FRMD5: variants seen among roughly 807,000 people sequenced by gnomAD.
FRMD5 encodes the protein FERM domain containing 5.
FRMD5 carries 20 observed loss-of-function variants against 69.0 expected under a neutral mutation model. The observed-to-expected ratio is 0.29, with a 90% CI of 0.20 to 0.42. The LOEUF is 0.42. Among genes scored for constraint, FRMD5 ranks in the 10% least tolerant of loss-of-function variants. The probability of loss-of-function intolerance (pLI) is 1.00; values close to 1 mark genes in which losing one functional copy is unlikely to be tolerated. For synonymous variants in FRMD5, 271 were observed against 260.1 expected (o/e 1.04, Z -0.40); for missense variants, 595 against 708.6 (o/e 0.84, Z 1.82).
At chr15:44,020,677 A>C (rs1026860404) in intron 1 of FRMD5, among the ~76,000 whole-genome samples, 6 of 152,230 alleles carry the variant, frequency 3.9e-5, no homozygotes, top group Admixed American at 1.3e-4. Context: ...AATATTTCTC[A>C]ATCTTTTGTG....
At chr15:44,188,280 A>G (rs748710202) in intron 1 of FRMD5, among the ~76,000 whole-genome samples, 1 of 152,238 alleles carries the variant, frequency 6.6e-6, no homozygotes, top group African/African-American at 2.4e-5. Context: ...ATAGGTATGC[A>G]TATCTGTAGA....
chr15:44,092,186 T>C (rs1456733585), intron 1 of FRMD5, among the ~76,000 whole-genome samples: 6 of 152,204 alleles, frequency 3.9e-5, no homozygotes, highest in African/African-American at 1.4e-4. Flanking sequence ...AAAGGGTCTC[T>C]GCCTCTCCTG....
chr15:44,119,314 C>T (rs2076914031), intron 1 of FRMD5, among the ~76,000 whole-genome samples: 1 of 152,100 alleles, frequency 6.6e-6, no homozygotes, highest in Non-Finnish European at 1.5e-5. Flanking sequence ...AAGAAAACAG[C>T]ACCTTTCCTC....
rs564851346 is a variant in FRMD5, at chr15:43,982,800, A to C, written c.103-58491T>G. Among the ~76,000 whole-genome samples, 26 of 152,380 alleles carry C rather than the reference A, an allele frequency of 1.7e-4. No homozygotes were observed. In the East Asian group the frequency reaches 4.2e-3, roughly 25 times the overall value. On this transcript the variant is annotated intron_variant, in intron 1 of 13. Coordinates refer to ENST00000417257, the MANE Select transcript of FRMD5 (RefSeq NM_032892.5). ...AATAGACCTCTGATATGGTTTCCAA[A>C]GAACAGAAGGTATCTTTTTTAAATC...
At chr15:44,154,670 G>C (rs2077499612) in intron 1 of FRMD5, among the ~76,000 whole-genome samples, 1 of 152,104 alleles carries the variant, frequency 6.6e-6, no homozygotes, top group African/African-American at 2.4e-5. Flanking sequence ...TATTATATCT[G>C]CACAGTCACA....
At chr15:43,979,331 G>T (rs1225785501) in intron 1 of FRMD5, among the ~76,000 whole-genome samples, 1 of 141,684 alleles carries the variant, frequency 7.1e-6, no homozygotes, top group Admixed American at 6.9e-5. Context: ...GTGAAACTCT[G>T]TCTCAAAAAA....
chr15:43,884,553 T>G (rs1265205892), intron 12 of FRMD5, among the ~76,000 whole-genome samples, 174 bp downstream of exon 12: 1 of 152,136 alleles, frequency 6.6e-6, no homozygotes, highest in Admixed American at 6.5e-5. Context: ...CCAGCTCTCT[T>G]ATTAAGGGTC....
chr15:43,904,206 CTG>C (rs947811242), intron 6 of FRMD5, among the ~76,000 whole-genome samples: 2 of 152,094 alleles, frequency 1.3e-5, no homozygotes, highest in African/African-American at 4.8e-5. Context: ...TCTGGGGGGC[CTG>C]TGGTCGGGGA....
intron 1 of FRMD5, among the ~76,000 whole-genome samples, chr15:44,040,735 C>T (rs935156248): frequency 1.3e-5 from 2 of 152,032 alleles, no homozygotes; most frequent in African/African-American, 4.8e-5. Flanking sequence ...AGACTATCCA[C>T]ACTATGAAGA....
At chr15:44,183,117 T>C (rs1241260162) in intron 1 of FRMD5, among the ~76,000 whole-genome samples, 1 of 152,060 alleles carries the variant, frequency 6.6e-6, no homozygotes, top group Admixed American at 6.6e-5. Flanking sequence ...CATTTCAATA[T>C]GGTAAGTGCT....
chr15:44,106,626 C>A (rs1474539111), intron 1 of FRMD5, among the ~76,000 whole-genome samples: 2 of 152,168 alleles, frequency 1.3e-5, no homozygotes, highest in African/African-American at 4.8e-5. Flanking sequence ...CCCCTATCAC[C>A]AGTAACATAA....
intron 1 of FRMD5, among the ~76,000 whole-genome samples, chr15:44,058,093 TAACCAAATCTCAC>T (rs1411209427): frequency 6.6e-6 from 1 of 152,182 alleles, no homozygotes; most frequent in East Asian, 1.9e-4. Context: ...TTCTGCAACT[TAACCAAATCTCAC>T]AAATCCAATA....
chr15:43,999,964 A>G lies in FRMD5; in HGVS notation c.103-75655T>C, dbSNP rs1353416881. Among the ~76,000 whole-genome samples, 49 of 77,176 alleles carry G rather than the reference A, an allele frequency of 6.3e-4. 1 individual carries two copies. Among genetic ancestry groups the G allele is most frequent in the African/African-American group, 3.3e-3 (45 of 13,476 alleles). 50.6% of individuals were successfully genotyped at this position (77,176 alleles called of 152,430 possible). A position where few individuals can be genotyped will look rare whatever the true frequency, so the allele number is the denominator to read the frequency against. On this transcript the variant is annotated intron_variant, in intron 1 of 13. Coordinates refer to ENST00000417257, the MANE Select transcript of FRMD5 (RefSeq NM_032892.5). ...ATATATATGCCATGCATATATATAT[A>G]TATATATATATATATATATATATAT...
At chr15:44,106,734 C>T (rs917545009) in intron 1 of FRMD5, among the ~76,000 whole-genome samples, 2 of 152,092 alleles carry the variant, frequency 1.3e-5, no homozygotes, top group Non-Finnish European at 2.9e-5. Context: ...AGTATGTCTT[C>T]ACCTCTAAAC....
chr15:43,999,968 A>ATGC (rs34297053), intron 1 of FRMD5, among the ~76,000 whole-genome samples: 117 of 12,638 alleles, frequency 9.3e-3, no homozygotes, highest in Non-Finnish European at 0.021. Context: ...ATATATATAT[A>ATGC]TATATATATA....
rs111938959 is a variant in FRMD5 at position 44,178,492 on chromosome 15, G to A, written c.102+16461C>T. Among the ~76,000 whole-genome samples, 607 of 152,180 alleles carry A rather than the reference G, an allele frequency of 4.0e-3. 5 individuals carry two copies. Among genetic ancestry groups the A allele is most frequent in the African/African-American group, 0.014 (566 of 41,520 alleles). On this transcript the variant is annotated intron_variant, in intron 1 of 13. Coordinates refer to ENST00000417257, the MANE Select transcript of FRMD5 (RefSeq NM_032892.5). ...GAGGAGCATGCCTCCTACGTATACC[G>A]TCAAGTTTATATATTGCCGATGACA...
intron 1 of FRMD5, among the ~76,000 whole-genome samples, chr15:43,970,906 GGTGA>G (rs1337458141): frequency 3.3e-5 from 5 of 152,088 alleles, no homozygotes; most frequent in African/African-American, 1.2e-4. Context: ...AAATTTCATT[GGTGA>G]GTAAGCTGAT....
intron 1 of FRMD5, among the ~76,000 whole-genome samples, chr15:43,971,115 C>T (rs1364692983): frequency 6.6e-6 from 1 of 151,920 alleles, no homozygotes; most frequent in Admixed American, 6.6e-5. Context: ...GGTGGCAGGA[C>T]TGTAAACCCA....
chr15:44,036,136 G>C (rs2140299598), intron 1 of FRMD5, among the ~76,000 whole-genome samples: 1 of 152,224 alleles, frequency 6.6e-6, no homozygotes, highest in Non-Finnish European at 1.5e-5. Flanking sequence ...CTTGTCAACA[G>C]GATCAAAACA....
Sources: allele counts gnomAD v4.1 joint callset (sites outside exome capture counted in the v4.1 genomes callset), GRCh38; gene constraint gnomAD v4.1.1; transcripts MANE v1.5; gene names NCBI Gene and HGNC (gene_info 2026-07-23, HGNC 2026-07-21).